The following MAGI2 variants were observed in gnomAD, a reference collection of about 807,000 sequenced individuals.
MAGI2 encodes membrane associated guanylate kinase, WW and PDZ domain containing 2.
In MAGI2, 35 loss-of-function variants were observed where a neutral mutation model predicts 133.3. The observed-to-expected ratio is 0.26, with a 90% CI of 0.20 to 0.35. The LOEUF is 0.35. MAGI2 is among the 10% of genes least tolerant of loss of function. The pLI is 1.00. For synonymous variants in MAGI2, 729 were observed against 710.6 expected (o/e 1.03, Z -0.41); for missense variants, 1,636 against 1,863.4 (o/e 0.88, Z 2.25).
intron 5 of MAGI2, among the ~76,000 whole-genome samples, chr7:78,499,046 T>C (rs1794381603): frequency 1.7e-5 from 2 of 120,818 alleles, no homozygotes. Flanking sequence ...ATTAAAAAAC[T>C]ACAAACTCAA....
intron 6 of MAGI2, among the ~76,000 whole-genome samples, chr7:78,413,710 G>C (rs927217750): frequency 6.6e-6 from 1 of 152,000 alleles, no homozygotes; most frequent in East Asian, 1.9e-4. Context: ...GGAAAAACCA[G>C]AAGAGAATGT....
At chr7:78,675,786 CCTT>C (rs1328699112) in intron 2 of MAGI2, among the ~76,000 whole-genome samples, 2 of 152,112 alleles carry the variant, frequency 1.3e-5, no homozygotes, top group Admixed American at 6.6e-5. Context: ...TAACCATCAT[CCTT>C]CTTGTTTTCC....
intron 10 of MAGI2, among the ~76,000 whole-genome samples, chr7:78,218,807 A>G (rs1469958935): frequency 6.6e-6 from 1 of 152,174 alleles, no homozygotes; most frequent in African/African-American, 2.4e-5. Flanking sequence ...TTCTTCACAC[A>G]GCGTCAGTGG....
In MAGI2 at chr7:78,902,296, T is replaced by C. The variant is rs971971051; in HGVS notation, c.418+104794A>G. ...TAGAAAGAGAATATGAATACTCTCATATTGCTGGCTGGTAAACTAACTTTT... is the reference window on the plus strand; with the variant it reads ...TAGAAAGAGAATATGAATACTCTCACATTGCTGGCTGGTAAACTAACTTTT... On this transcript the variant is annotated intron_variant, in intron 2 of 21. Transcript: ENST00000354212. Among the ~76,000 whole-genome samples, 36 of 152,196 alleles carry C rather than the reference T, an allele frequency of 2.4e-4. 1 individual carries two copies. Among genetic ancestry groups the C allele is most frequent in the Admixed American group, 2.6e-4 (4 of 15,282 alleles).
At chr7:78,839,714 C>G (rs1443161309) in intron 2 of MAGI2, among the ~76,000 whole-genome samples, 1 of 151,928 alleles carries the variant, frequency 6.6e-6, no homozygotes, top group Non-Finnish European at 1.5e-5. Context: ...AAATTGCCTC[C>G]CATGGGGATT....
At chr7:78,919,932 G>A (rs1054600191) in intron 2 of MAGI2, among the ~76,000 whole-genome samples, 2 of 152,076 alleles carry the variant, frequency 1.3e-5, no homozygotes, top group Non-Finnish European at 2.9e-5. Context: ...ATGCAGTGAG[G>A]TTTAAATTGA....
chr7:78,847,581 G>A (rs560683628), intron 2 of MAGI2, among the ~76,000 whole-genome samples: 3 of 151,890 alleles, frequency 2.0e-5, no homozygotes, highest in African/African-American at 4.8e-5. Flanking sequence ...CAAATGATTC[G>A]AGGTACAACC....
At chr7:78,398,791 T>C (rs1244003859) in intron 6 of MAGI2, among the ~76,000 whole-genome samples, 1 of 152,022 alleles carries the variant, frequency 6.6e-6, no homozygotes, top group Admixed American at 6.6e-5. Flanking sequence ...CCTCCTCCAG[T>C]AGTTTTCCAC....
chr7:78,037,748 G>T (rs113683318), intron 21 of MAGI2, among the ~76,000 whole-genome samples: 2,161 of 152,296 alleles, frequency 0.014, 29 homozygotes, highest in South Asian at 0.028. Flanking sequence ...AGCAACCCCT[G>T]CAGAGAGTGT....
In MAGI2 at chr7:78,628,562, G is replaced by A. The variant is rs566244986; in HGVS notation, c.419-1323C>T. ...GGGAAATTTGATTTTGGATAAAAAT[G>A]AATAATTCCTATTGAAAACATTTTT... On this transcript the variant is annotated intron_variant, in intron 2 of 21. Transcript: ENST00000354212. Among the ~76,000 whole-genome samples the A allele has an allele frequency of 5.1e-4, 77 of 151,866 alleles. No individual in the cohort carries two copies. The South Asian group carries it at 0.012, about 24-fold the overall frequency.
At chr7:78,826,445 T>C (rs1790659930) in intron 2 of MAGI2, among the ~76,000 whole-genome samples, 1 of 151,990 alleles carries the variant, frequency 6.6e-6, no homozygotes, top group Non-Finnish European at 1.5e-5. Context: ...TTTTTGACAT[T>C]CTGGAAAAGG....
intron 1 of MAGI2, among the ~76,000 whole-genome samples, chr7:79,254,623 C>G (rs780781415): frequency 6.6e-6 from 1 of 152,180 alleles, no homozygotes; most frequent in Non-Finnish European, 1.5e-5. Flanking sequence ...TCCCAGTGAA[C>G]AAAAATGCCA....
chr7:78,909,429 TAAA>T (rs71085571), intron 2 of MAGI2, among the ~76,000 whole-genome samples: 1 of 132,918 alleles, frequency 7.5e-6, no homozygotes, highest in Non-Finnish European at 1.6e-5. Flanking sequence ...CCGTCTCTAC[TAAA>T]AAAAAAAAAA....
intron 10 of MAGI2, among the ~76,000 whole-genome samples, chr7:78,244,242 G>A (rs3915117): frequency 0.17 from 25,130 of 148,430 alleles, 2,880 homozygotes; most frequent in East Asian, 0.33. Flanking sequence ...AGTGGAAACT[G>A]GAAGAAAAAT....
intron 1 of MAGI2, chr7:79,410,157 T>A (rs1846051756): frequency 6.6e-6 from 1 of 152,138 alleles, no homozygotes; most frequent in Admixed American, 6.6e-5. Flanking sequence ...GTGTTTTCCA[T>A]AGTTTTTCCA....
intron 3 of MAGI2, among the ~76,000 whole-genome samples, chr7:78,523,390 A>T (rs1796679775): frequency 6.6e-6 from 1 of 151,998 alleles, no homozygotes; most frequent in Non-Finnish European, 1.5e-5. Context: ...GAGGCAGGAG[A>T]ATGGCGTGAA....
chr7:78,166,017 A>G (rs1825587882), intron 15 of MAGI2, among the ~76,000 whole-genome samples: 1 of 152,214 alleles, frequency 6.6e-6, no homozygotes, highest in South Asian at 2.1e-4. Flanking sequence ...CCTGGTGTGA[A>G]CGAGCAATCT....
chr7:78,287,172 G>A (rs2151028592), intron 9 of MAGI2, among the ~76,000 whole-genome samples: 1 of 152,258 alleles, frequency 6.6e-6, no homozygotes, highest in East Asian at 1.9e-4. Flanking sequence ...CTACTGCATT[G>A]ATTAAGGTAA....
rs141612283 is a variant in MAGI2 at position 78,508,382 on chromosome 7, T to C, written c.755-6595A>G. On this transcript the variant is annotated intron_variant, in intron 4 of 21. Transcript: ENST00000354212. ...AGGACTGCAAATTATTGTTTCATGC[T>C]ATATCATATTTGTTTCCCTGATTAA... is the stretch of plus-strand genomic sequence containing the variant. Among the ~76,000 whole-genome samples the C allele has an allele frequency of 1.5e-3, 226 of 152,362 alleles. 1 individual carries two copies. The highest frequency in any genetic ancestry group is 5.1e-3 in the African/African-American group (211 of 41,588).
Sources: allele counts gnomAD v4.1 joint callset (sites outside exome capture counted in the v4.1 genomes callset), GRCh38; gene constraint gnomAD v4.1.1; transcripts MANE v1.5; gene names NCBI Gene and HGNC (gene_info 2026-07-23, HGNC 2026-07-21).